ASCC3: variants seen among roughly 807,000 people sequenced by gnomAD.
ASCC3 encodes ASC-1 complex subunit P200.
ASCC3 carries 158 observed loss-of-function variants against 256.3 expected under a neutral mutation model. That is an observed-to-expected ratio of 0.62 (90% confidence interval 0.54 to 0.70). ASCC3 has a LOEUF of 0.70. Ranked by LOEUF, ASCC3 falls within the 30% of genes least tolerant of loss-of-function variation. The probability of loss-of-function intolerance (pLI) is 0.00; values close to 1 mark genes in which losing one functional copy is unlikely to be tolerated. For missense variants in ASCC3, 2,259 were observed against 2,626.0 expected, an observed-to-expected ratio of 0.86 and a Z score of 3.05; for synonymous variants, 948 against 883.4, an observed-to-expected ratio of 1.07 and a Z score of -1.30.
intron 36 of ASCC3, among the ~76,000 whole-genome samples, chr6:100,580,389 C>G (rs1351960997): frequency 6.6e-6 from 1 of 151,780 alleles, no homozygotes; most frequent in East Asian, 1.9e-4. Context: ...GAGATCATCA[C>G]TTGAAACTAT....
chr6:100,560,898 T>A (rs1254613024), intron 36 of ASCC3, among the ~76,000 whole-genome samples: 9 of 152,046 alleles, frequency 5.9e-5, no homozygotes. Flanking sequence ...AGTACATATA[T>A]GTTGAGGGGG....
At chr6:100,635,197 G>C (rs942738550) in intron 25 of ASCC3, among the ~76,000 whole-genome samples, 1 of 151,584 alleles carries the variant, frequency 6.6e-6, no homozygotes, top group Non-Finnish European at 1.5e-5. Flanking sequence ...ATATGTGTGT[G>C]TGTATATATA....
intron 4 of ASCC3, among the ~76,000 whole-genome samples, chr6:100,835,878 C>T (rs1771851819): frequency 6.6e-6 from 1 of 152,048 alleles, no homozygotes; most frequent in African/African-American, 2.4e-5. Context: ...TCCAATTCAC[C>T]AGTACAAAAT....
chr6:100,688,267 TA>T (rs869148523), intron 13 of ASCC3, among the ~76,000 whole-genome samples: 7 of 91,934 alleles, frequency 7.6e-5, no homozygotes, highest in African/African-American at 1.3e-4. Flanking sequence ...GTGGAGTTAT[TA>T]AAAAAAAAAA....
chr6:100,774,523 G>C (rs1045273580), intron 8 of ASCC3, among the ~76,000 whole-genome samples: 1 of 151,648 alleles, frequency 6.6e-6, no homozygotes, highest in African/African-American at 2.4e-5. Flanking sequence ...CCATCACCAC[G>C]CCTGGCTAAT....
intron 30 of ASCC3, among the ~76,000 whole-genome samples, chr6:100,607,769 T>C (rs1286925573): frequency 6.6e-6 from 1 of 151,674 alleles, no homozygotes; most frequent in Non-Finnish European, 1.5e-5. Flanking sequence ...GCTATAAACA[T>C]ATTAGCATCT....
At chr6:100,537,351 T>A (rs970744276) in intron 37 of ASCC3, among the ~76,000 whole-genome samples, 1 of 152,008 alleles carries the variant, frequency 6.6e-6, no homozygotes, top group Admixed American at 6.6e-5. Context: ...CTCCATAAAA[T>A]AACTGCTTGG....
At chr6:100,805,720 A>G in intron 5 of ASCC3, 40 bp downstream of exon 5, 1 of 1,600,046 alleles carries the variant, frequency 6.2e-7, no homozygotes, top group Non-Finnish European at 8.5e-7. Flanking sequence ...ACCAATGAAT[A>G]TTTCCTTTAA....
At chr6:100,532,376 GTGTA>G (rs1562098380) in intron 37 of ASCC3, among the ~76,000 whole-genome samples, 1 of 78,318 alleles carries the variant, frequency 1.3e-5, no homozygotes, top group Non-Finnish European at 2.4e-5. Flanking sequence ...GTGTGTATGT[GTGTA>G]TATATATATA....
chr6:100,782,145 C>G (rs998643170), intron 8 of ASCC3, among the ~76,000 whole-genome samples: 2 of 152,108 alleles, frequency 1.3e-5, no homozygotes, highest in Non-Finnish European at 2.9e-5. Flanking sequence ...TCCTCCTCTA[C>G]TATACATAAC....
intron 3 of ASCC3, among the ~76,000 whole-genome samples, chr6:100,849,737 A>G (rs546271003): frequency 1.3e-5 from 2 of 152,278 alleles, no homozygotes; most frequent in South Asian, 4.1e-4. Flanking sequence ...TAAATCTTCA[A>G]AAGGCCCCAA....
chr6:100,684,802 C>CTTTT (rs34237443), intron 13 of ASCC3, among the ~76,000 whole-genome samples: 15 of 94,724 alleles, frequency 1.6e-4, no homozygotes, highest in East Asian at 3.3e-4. Context: ...GAATCAAACT[C>CTTTT]TTTTTTTTTT....
chr6:100,548,973 AATAAC>A (rs1769152609), intron 36 of ASCC3, among the ~76,000 whole-genome samples: 1 of 151,990 alleles, frequency 6.6e-6, no homozygotes, highest in Admixed American at 6.6e-5. Context: ...AATAACTAAT[AATAAC>A]ATAAAACAAT....
intron 10 of ASCC3, among the ~76,000 whole-genome samples, chr6:100,740,137 G>T (rs1042903801): frequency 2.6e-5 from 4 of 152,062 alleles, no homozygotes; most frequent in African/African-American, 9.7e-5. Context: ...CTGTCTCTTT[G>T]TTCTCATAAT....
In ASCC3 at chr6:100,673,404, T is replaced by C. The variant is rs900161394; in HGVS notation, c.2286+6214A>G. 3.9e-5 allele frequency among the ~76,000 whole-genome samples: 6 copies of C among 152,182 alleles called. No individual in the cohort carries two copies. In the South Asian group the frequency reaches 6.2e-4, roughly 16 times the overall value. On this transcript the variant is annotated intron_variant, in intron 14 of 41. Coordinates refer to ENST00000369162, the MANE Select transcript of ASCC3 (RefSeq NM_006828.4). ...CTTCCTCTACTCAAGTATTTTCAAG[T>C]GAGTGAAAAACAACATTCTAATTAA...
At chr6:100,532,333 T>TGC (rs1349395143) in intron 37 of ASCC3, among the ~76,000 whole-genome samples, 2 of 88,878 alleles carry the variant, frequency 2.3e-5, no homozygotes, top group Non-Finnish European at 4.4e-5. Flanking sequence ...AATGCTATCT[T>TGC]GCGTGTGTGT....
chr6:100,720,506 C>G (rs1421841200), intron 11 of ASCC3, among the ~76,000 whole-genome samples: 1 of 151,810 alleles, frequency 6.6e-6, no homozygotes, highest in Non-Finnish European at 1.5e-5. Flanking sequence ...ACAACACATT[C>G]TGCCTCAAGT....
In ASCC3 at chr6:100,851,025, A is replaced by G. The variant is rs551858069; in HGVS notation, c.242-2318T>C. ...TATTGCTAACACTTTGCATCTTGGG[A>G]TTTTTTTAAAAATAATAATTTACTA... On this transcript the variant is annotated intron_variant, in intron 3 of 41. Transcript: ENST00000369162. Among the ~76,000 whole-genome samples, 263 of 152,204 alleles carry G rather than the reference A, an allele frequency of 1.7e-3. 1 individual carries two copies. Among genetic ancestry groups the G allele is most frequent in the African/African-American group, 6.0e-3 (249 of 41,564 alleles).
intron 36 of ASCC3, among the ~76,000 whole-genome samples, chr6:100,561,133 A>G (rs1310926822): frequency 1.3e-5 from 2 of 152,012 alleles, no homozygotes; most frequent in African/African-American, 4.8e-5. Context: ...AAAAAGAAAA[A>G]AAAAAAAAAC....
Sources: gnomAD v4.1 joint callset for allele counts (sites outside exome capture counted in the v4.1 genomes callset) on GRCh38, gnomAD v4.1.1 for gene constraint, MANE v1.5 for transcripts, NCBI Gene and HGNC (gene_info 2026-07-23, HGNC 2026-07-21) for gene names.